SNORC: variants seen among roughly 807,000 people sequenced by gnomAD.
SNORC encodes the protein protein SNORC.
A neutral mutation model predicts 9.7 loss-of-function variants in SNORC; 11 were observed. The ratio of observed to expected loss-of-function variants is 1.14; its 90% CI spans 0.72 to 1.88. SNORC has a LOEUF of 1.88. Ranked by LOEUF, SNORC falls within the 40% of genes most tolerant of loss-of-function variation. SNORC has a pLI of 0.00. For synonymous variants in SNORC, 108 were observed against 88.7 expected (o/e 1.22, Z -1.22); for missense variants, 197 against 173.1 (o/e 1.14, Z -0.77).
Position 232,876,126 on chromosome 2 carries a change from C to A in SNORC, c.256+4C>A. 1 of 1,010,632 alleles carries A rather than the reference C, an allele frequency of 9.9e-7. No individual in the cohort carries two copies. Among genetic ancestry groups the A allele is most frequent in the Non-Finnish European group, 1.2e-6 (1 of 835,710 alleles). The allele number at this position is 1,010,632 out of a possible 1,614,324, so 62.6% of individuals were successfully genotyped here. A position where few individuals can be genotyped will look rare whatever the true frequency, so the allele number is the denominator to read the frequency against. The stretch of plus-strand genomic sequence containing the variant: ...GAGCGGCTGGACCAGGGCGGCGGTA[C>A]GGGCGGGGCGGGGGAGGGAGGGGAG... On this transcript the variant is annotated splice_donor_region_variant and intron_variant, in intron 2 of 2. Transcript: ENST00000331342. The surrounding 1 kb of genome is among the most constrained non-coding windows in gnomAD (Gnocchi z 6.8).
upstream of SNORC, among the ~76,000 whole-genome samples, chr2:232,868,702 A>G (rs1036373404): frequency 2.0e-5 from 3 of 152,164 alleles, no homozygotes; most frequent in Admixed American, 6.5e-5. Flanking sequence ...CTTCTTCATT[A>G]AGTTAGGCTT....
downstream of SNORC, chr2:232,877,197 C>A (rs912538892): frequency 3.8e-5 from 37 of 985,440 alleles, no homozygotes; most frequent in Non-Finnish European, 4.3e-5. Flanking sequence ...CACCCCCAGG[C>A]CTGGCTGGGG....
chr2:232,871,415 GCCTTCTCGTCATCTGTA>G (rs1691020132), intron 1 of SNORC, among the ~76,000 whole-genome samples: 1 of 152,200 alleles, frequency 6.6e-6, no homozygotes, highest in South Asian at 2.1e-4. Flanking sequence ...ACCTCTCTGT[GCCTTCTCGTCATCTGTA>G]GGATGGTGAC....
chr2:232,876,758 G>T (rs1691268156), downstream of SNORC: 2 of 985,388 alleles, frequency 2.0e-6, no homozygotes, highest in African/African-American at 3.5e-5. The surrounding 1 kb of genome is among the most constrained non-coding windows in gnomAD (Gnocchi z 6.8). Flanking sequence ...TGCGGCCAGC[G>T]GTCTTAGCCC....
chr2:232,876,178 C>CG lies in SNORC; in HGVS notation c.256+62dup. 5.1e-5 allele frequency: 7 copies of CG among 138,026 alleles called. No individual in the cohort carries two copies. The highest frequency in any genetic ancestry group is 1.4e-4 in the South Asian group (1 of 7,132). 8.6% of individuals were successfully genotyped at this position (138,026 alleles called of 1,614,324 possible). On this transcript the variant is annotated intron_variant, in intron 2 of 2. Coordinates refer to ENST00000331342, the Ensembl canonical transcript of SNORC. This position sits in a 1 kb window ranked among gnomAD's most constrained non-coding sequence, Gnocchi z 6.8. ...GGGAGAAATTAGGAGGGGCGGGGGG[C>CG]GGGGGGCGCGGGGAGAAGGGCCGGC...
chr2:232,869,049 A>G (rs1690931580), upstream of SNORC: 3 of 152,200 alleles, frequency 2.0e-5, no homozygotes, highest in Admixed American at 2.0e-4. Context: ...CTCCCTAGGA[A>G]TGCTGATACC....
upstream of SNORC, among the ~76,000 whole-genome samples, chr2:232,868,340 G>A (rs894856911): frequency 6.6e-5 from 10 of 152,052 alleles, no homozygotes; most frequent in African/African-American, 1.4e-4. Context: ...CAAGTGATCC[G>A]CCTGCCCCAG....
At chr2:232,877,733 A>C (rs543959957), downstream of SNORC, 1 of 152,244 alleles carries the variant, frequency 6.6e-6, no homozygotes, top group East Asian at 1.9e-4. Context: ...ACAGCTTCCC[A>C]CTCAACCAGT....
intron 1 of SNORC, among the ~76,000 whole-genome samples, chr2:232,872,865 A>G (rs1053423366): frequency 1.3e-5 from 2 of 152,200 alleles, no homozygotes; most frequent in African/African-American, 4.8e-5. Flanking sequence ...TGAGGATAAG[A>G]AGTGCCTCGG....
At chr2:232,877,110 C>G (rs985401030), downstream of SNORC, 63 of 986,022 alleles carry the variant, frequency 6.4e-5, no homozygotes, top group African/African-American at 7.7e-4. Context: ...CCCAAGCCCC[C>G]CTCTGCCCAG....
At chr2:232,871,772 C>T (rs748634416) in intron 1 of SNORC, among the ~76,000 whole-genome samples, 3 of 152,194 alleles carry the variant, frequency 2.0e-5, no homozygotes, top group Admixed American at 6.5e-5. Flanking sequence ...TGGGAAGAAG[C>T]TGCTTCTCCA....
At chr2:232,877,227 A>G (rs906836155), downstream of SNORC, 11 of 985,214 alleles carry the variant, frequency 1.1e-5, no homozygotes, top group Middle Eastern at 5.2e-4. Flanking sequence ...CCCCACGCCC[A>G]CGGTTGGTTT....
At chr2:232,875,981 C>A in exon 2 of SNORC, 1 of 1,555,014 alleles carries the variant, frequency 6.4e-7, no homozygotes, top group Non-Finnish European at 8.7e-7. Context: ...GTGGAACGAG[C>A]CGGCCGAGCT....
upstream of SNORC, chr2:232,869,041 C>G (rs1690931506): frequency 6.6e-6 from 1 of 152,170 alleles, no homozygotes; most frequent in African/African-American, 2.4e-5. Context: ...TGCTTGCTCT[C>G]CCTAGGAATG....
downstream of SNORC, chr2:232,876,890 C>T (rs1347793337): frequency 1.0e-6 from 1 of 985,268 alleles, no homozygotes; most frequent in Non-Finnish European, 1.2e-6. The surrounding 1 kb of genome is among the most constrained non-coding windows in gnomAD (Gnocchi z 6.8). Flanking sequence ...CCTCCCATCC[C>T]GCTCCGCTGG....
At position 232,876,208 on chromosome 2, in the gene SNORC, CG is replaced by C; in HGVS notation, c.257-34del. ...GGCGCGGGGAGAAGGGCCGGCCAGGCGGGGGCTAGCAGGTGACATGGTCCTC... is the reference window on the plus strand; with the variant it reads ...GGCGCGGGGAGAAGGGCCGGCCAGGCGGGGCTAGCAGGTGACATGGTCCTC... On this transcript the variant is annotated intron_variant, in intron 2 of 2. Transcript: ENST00000331342. The surrounding 1 kb of genome is among the most constrained non-coding windows in gnomAD (Gnocchi z 6.8). 1 of 1,475,016 alleles carries C rather than the reference CG, an allele frequency of 6.8e-7. No individual in the cohort carries two copies. The highest frequency in any genetic ancestry group is 2.4e-5 in the Admixed American group (1 of 41,138). The allele number at this position is 1,475,016 out of a possible 1,614,324, so 91.4% of individuals were successfully genotyped here.
At chr2:232,874,897 T>G (rs1691161192) in intron 1 of SNORC, among the ~76,000 whole-genome samples, 1 of 152,218 alleles carries the variant, frequency 6.6e-6, no homozygotes, top group South Asian at 2.1e-4. Flanking sequence ...GCCTTGGCTT[T>G]CTTGTCTCTG....
chr2:232,872,303 G>A (rs1369206387), intron 1 of SNORC, among the ~76,000 whole-genome samples: 1 of 152,202 alleles, frequency 6.6e-6, no homozygotes. Context: ...TACTGAGGTG[G>A]GAGCAGGCCG....
chr2:232,871,541 G>A (rs187623645), intron 1 of SNORC, among the ~76,000 whole-genome samples: 332 of 152,334 alleles, frequency 2.2e-3, no homozygotes, highest in Non-Finnish European at 3.7e-3. Context: ...TAGCGCGAAT[G>A]TGGATTCTGT....
Sources: gnomAD v4.1 joint callset for allele counts (sites outside exome capture counted in the v4.1 genomes callset) on GRCh38, gnomAD v4.1.1 for gene constraint, Gnocchi (gnomAD v3.1) non-coding constraint, MANE v1.5 for transcripts, NCBI Gene and HGNC (gene_info 2026-07-23, HGNC 2026-07-21) for gene names.